Variants in ARB2A observed in about 807,000 individuals in gnomAD.
ARB2A encodes the protein cotranscriptional regulator ARB2A.
At chr5:93,976,687 A>G in the ARB2A span, among the ~76,000 whole-genome samples, 1 of 152,146 alleles carries the variant, frequency 6.6e-6, no homozygotes, top group Admixed American at 6.5e-5. Context: ...GCTTTCTGCT[A>G]TGATTGTAAA....
At chr5:93,992,779 A>G in the ARB2A span, among the ~76,000 whole-genome samples, 16 of 152,240 alleles carry the variant, frequency 1.1e-4, no homozygotes, top group African/African-American at 3.8e-4. Flanking sequence ...AGTTTTCAGC[A>G]GTCAGATTGG....
At chr5:93,997,596 C>A in the ARB2A span, among the ~76,000 whole-genome samples, 2 of 151,900 alleles carry the variant, frequency 1.3e-5, no homozygotes, top group East Asian at 3.9e-4. Context: ...ACTGGTCTTC[C>A]CTCTTTGAAA....
At chr5:93,671,627 A>G in the ARB2A span, among the ~76,000 whole-genome samples, 1 of 151,980 alleles carries the variant, frequency 6.6e-6, no homozygotes, top group Non-Finnish European at 1.5e-5. Context: ...TTACAAAAAA[A>G]TTTTTGGACA....
At chr5:94,106,951 A>G in the ARB2A span, among the ~76,000 whole-genome samples, 1 of 151,960 alleles carries the variant, frequency 6.6e-6, no homozygotes, top group Non-Finnish European at 1.5e-5. Context: ...ACATGGAGAA[A>G]GAAGGAAACA....
At chr5:93,741,090 C>A in the ARB2A span, 4 of 1,613,904 alleles carry the variant, frequency 2.5e-6, no homozygotes, top group South Asian at 2.2e-5. Context: ...TCTGGCTAAG[C>A]ACCTTCCCAA....
chr5:93,805,325 A>G, the ARB2A span: 1 of 985,176 alleles, frequency 1.0e-6, no homozygotes, highest in Non-Finnish European at 1.2e-6. Flanking sequence ...ATAAAGGAAA[A>G]AGCAAAGGAT....
the ARB2A span, among the ~76,000 whole-genome samples, chr5:93,746,696 AAATCTGAGATAT>A: frequency 0.019 from 2,898 of 152,322 alleles, 46 homozygotes; most frequent in Non-Finnish European, 0.029. Context: ...TTTATTTTGC[AAATCTGAGATAT>A]TCATGAGCTA....
the ARB2A span, among the ~76,000 whole-genome samples, chr5:93,868,772 T>C: frequency 6.6e-6 from 1 of 152,184 alleles, no homozygotes; most frequent in Non-Finnish European, 1.5e-5. Flanking sequence ...CCAATATATC[T>C]GCTCAATGCA....
the ARB2A span, among the ~76,000 whole-genome samples, chr5:94,008,700 C>T: frequency 2.0e-5 from 3 of 152,052 alleles, no homozygotes; most frequent in Non-Finnish European, 4.4e-5. Flanking sequence ...CTAAATAAAT[C>T]CATACGATTA....
the ARB2A span, among the ~76,000 whole-genome samples, chr5:93,769,898 T>A: frequency 6.6e-6 from 1 of 152,178 alleles, no homozygotes; most frequent in African/African-American, 2.4e-5. Context: ...AATGAAAAGT[T>A]ACACTCAGTA....
the ARB2A span, among the ~76,000 whole-genome samples, chr5:93,752,079 G>A: frequency 6.6e-6 from 1 of 152,180 alleles, no homozygotes; most frequent in Non-Finnish European, 1.5e-5. Context: ...TAGAGGCTAA[G>A]CCAGATGAGA....
chr5:93,840,815 C>A, the ARB2A span, among the ~76,000 whole-genome samples: 1 of 152,094 alleles, frequency 6.6e-6, no homozygotes, highest in Non-Finnish European at 1.5e-5. Context: ...TGATTGCAAG[C>A]CAGTCTGTGT....
the ARB2A span, among the ~76,000 whole-genome samples, chr5:94,057,298 A>G: frequency 6.6e-6 from 1 of 151,888 alleles, no homozygotes; most frequent in African/African-American, 2.4e-5. Flanking sequence ...AATATTATAT[A>G]TTATATGATT....
the ARB2A span, among the ~76,000 whole-genome samples, chr5:93,732,489 T>C: frequency 6.6e-6 from 1 of 152,142 alleles, no homozygotes; most frequent in South Asian, 2.1e-4. Context: ...CTAATTGTAA[T>C]TGTAAATTAC....
At chr5:93,652,374 C>A in the ARB2A span, among the ~76,000 whole-genome samples, 1 of 152,190 alleles carries the variant, frequency 6.6e-6, no homozygotes, top group South Asian at 2.1e-4. Context: ...ATAATTTTGA[C>A]TAAGTAAAAT....
the ARB2A span, among the ~76,000 whole-genome samples, chr5:93,907,487 T>C: frequency 6.6e-6 from 1 of 151,390 alleles, no homozygotes; most frequent in East Asian, 1.9e-4. Flanking sequence ...ATACTGTATT[T>C]TTTTTCTGAG....
chr5:94,070,606 G>T, the ARB2A span, among the ~76,000 whole-genome samples: 2 of 151,944 alleles, frequency 1.3e-5, no homozygotes. Context: ...TACCCCATAA[G>T]TATGTACAAA....
chr5:93,741,828 T>C, the ARB2A span: 4 of 429,054 alleles, frequency 9.3e-6, no homozygotes, highest in Admixed American at 1.2e-4. Context: ...ATCTCCAAGC[T>C]GTCTGGAGTC....
chr5:93,950,329 A>T, the ARB2A span, among the ~76,000 whole-genome samples: 1 of 152,050 alleles, frequency 6.6e-6, no homozygotes, highest in African/African-American at 2.4e-5. Context: ...TTACCTTTCT[A>T]CCAACAGTGT....
Sources: allele counts gnomAD v4.1 joint callset (sites outside exome capture counted in the v4.1 genomes callset), GRCh38; gene constraint gnomAD v4.1.1; transcripts MANE v1.5; gene names NCBI Gene and HGNC (gene_info 2026-07-23, HGNC 2026-07-21).